The following CCDC157 variants were observed in gnomAD, a reference collection of about 807,000 sequenced individuals.
The protein encoded by CCDC157 is coiled-coil domain-containing protein 157.
Under a neutral mutation model 70.9 loss-of-function variants are expected in CCDC157, and 60 were observed. The observed-to-expected ratio is 0.85, with a 90% CI of 0.69 to 1.05. The LOEUF is 1.05. Ranked by LOEUF, CCDC157 falls within the 50% of genes least tolerant of loss-of-function variation. The pLI, the probability that CCDC157 is intolerant of heterozygous loss-of-function variation, is 0.00. For missense variants in CCDC157, 943 were observed against 984.2 expected (o/e 0.96, Z 0.56); for synonymous variants, 373 against 422.4 (o/e 0.88, Z 1.43).
At position 30,376,257 on chromosome 22, in the gene CCDC157, A is replaced by C; in HGVS notation, c.1858-2A>C. The C allele has an allele frequency of 7.7e-7, 1 of 1,303,224 alleles. No individual in the cohort carries two copies. Among genetic ancestry groups the C allele is most frequent in the Non-Finnish European group, 1.0e-6 (1 of 956,068 alleles). 80.7% of individuals were successfully genotyped at this position (1,303,224 alleles called of 1,614,324 possible). On this transcript the variant is annotated splice_acceptor_variant, in intron 10 of 11. Transcript: ENST00000338306. LOFTEE classifies it high-confidence loss of function. ...AGACTGGCTTTTTTTTTTTTTTTGTAGCTGATCCCGCAGGACCGGCTCTGG... is the reference window on the plus strand; with the variant it reads ...AGACTGGCTTTTTTTTTTTTTTTGTCGCTGATCCCGCAGGACCGGCTCTGG...
chr22:30,372,014 G>A, intron 6 of CCDC157, 61 bp from the exon 7 acceptor site: 1 of 1,142,948 alleles, frequency 8.7e-7, no homozygotes, highest in Non-Finnish European at 1.3e-6. Flanking sequence ...TCCCGTCCTA[G>A]GTCTGAGGTA....
Position 30,370,436 on chromosome 22 carries a change from G to A in CCDC157, c.531G>A (p.Val177=). 4 of 1,614,120 alleles carry A rather than the reference G, an allele frequency of 2.5e-6. No individual in the cohort carries two copies. The highest frequency in any genetic ancestry group is 3.4e-6 in the Non-Finnish European group (4 of 1,180,042). ...AGTTAATCAAGCCCTCCTCCCCAGT[G>A]CTAGGCTTGCCCCAGACCTGCCAAG... ...TTKLIKPSSP[V]LGLPQTCQEP... Residue 177 remains valine, a synonymous_variant, in exon 5 of 12, where the codon GTG becomes GTA. Transcript: ENST00000338306.
chr22:30,371,371 G>T, intron 5 of CCDC157: 1 of 527,384 alleles, frequency 1.9e-6, no homozygotes, highest in Non-Finnish European at 3.4e-6. Flanking sequence ...CCACTGATGG[G>T]AGGCCTGAGG....
chr22:30,356,853 C>G, upstream of CCDC157: 1 of 1,257,918 alleles, frequency 7.9e-7, no homozygotes. Flanking sequence ...CGCCTCAAGA[C>G]AGCCTCCCCG....
At chr22:30,359,111 A>T (rs1257259726) in intron 1 of CCDC157, among the ~76,000 whole-genome samples, 1 of 152,188 alleles carries the variant, frequency 6.6e-6, no homozygotes, top group African/African-American at 2.4e-5. Context: ...CTTCACAAGC[A>T]AGCTTATGAA....
intron 5 of CCDC157, 41 bp downstream of exon 5, chr22:30,370,991 C>G (rs1384962911): frequency 6.4e-7 from 1 of 1,565,904 alleles, no homozygotes; most frequent in East Asian, 2.3e-5. Flanking sequence ...CCCAGGGGCT[C>G]TGCCACAGCC....
chr22:30,357,456 C>T (rs1055602178), intron 1 of CCDC157, among the ~76,000 whole-genome samples: 2 of 152,174 alleles, frequency 1.3e-5, no homozygotes, highest in African/African-American at 4.8e-5. Context: ...GCCCTCAAGC[C>T]CCACTGGGGG....
chr22:30,360,317 CA>C (rs1266785983), intron 1 of CCDC157, among the ~76,000 whole-genome samples: 1 of 151,686 alleles, frequency 6.6e-6, no homozygotes, highest in African/African-American at 2.4e-5. Context: ...TCCTGGCTAA[CA>C]TGGTGAAACC....
chr22:30,375,677 G>C lies in CCDC157; in HGVS notation c.1857+14G>C. On this transcript the variant is annotated intron_variant, in intron 10 of 11. Transcript: ENST00000338306. ...GGTGGCCTCAAGGTGGGCCTGAGAG[G>C]GCGGGCCCTTGGGGACCAGGAGGAA... 1 of 1,603,020 alleles carries C rather than the reference G, an allele frequency of 6.2e-7. No individual in the cohort carries two copies. The highest frequency in any genetic ancestry group is 8.5e-7 in the Non-Finnish European group (1 of 1,174,898).
At chr22:30,373,505 G>A (rs1354540959) in intron 7 of CCDC157, 92 bp from the exon 8 acceptor site, 5 of 1,387,068 alleles carry the variant, frequency 3.6e-6, no homozygotes, top group Non-Finnish European at 4.9e-6. Context: ...TAGCAGCCGA[G>A]GGGTAGTAGA....
At chr22:30,357,173 C>T (rs1569179266) in intron 1 of CCDC157, 41 bp downstream of exon 1, 1 of 186,264 alleles carries the variant, frequency 5.4e-6, no homozygotes, top group Non-Finnish European at 1.1e-5. Context: ...CCGCCGCACT[C>T]ACCTCGCGGC....
chr22:30,358,519 C>T (rs1932102962), intron 1 of CCDC157, among the ~76,000 whole-genome samples: 2 of 152,222 alleles, frequency 1.3e-5, no homozygotes, highest in South Asian at 4.1e-4. Context: ...ACATCTGCCA[C>T]ATAGCTGGTT....
At position 30,375,390 on chromosome 22, in the gene CCDC157, C is replaced by G; in HGVS notation, c.1673-89C>G. Reference sequence around the variant, plus strand: ...GGAGAAGGAAGATGAGCTAGGAGGCCTGGTGCACTACACAGCTCCTTTGTG... The same window carrying G: ...GGAGAAGGAAGATGAGCTAGGAGGCGTGGTGCACTACACAGCTCCTTTGTG... On this transcript the variant is annotated intron_variant, in intron 9 of 11. Transcript: ENST00000338306. 2.4e-6 allele frequency: 3 copies of G among 1,241,600 alleles called. 1 individual carries two copies. The South Asian group carries it at 3.8e-5, about 16-fold the overall frequency. 76.9% of individuals were successfully genotyped at this position (1,241,600 alleles called of 1,614,324 possible).
At position 30,370,357 on chromosome 22, in the gene CCDC157, C is replaced by A. The variant is rs767712736; in HGVS notation, c.452C>A (p.Ser151Tyr). 21 of 1,613,906 alleles carry A rather than the reference C, an allele frequency of 1.3e-5. No homozygotes were observed. In the Middle Eastern group the frequency reaches 1.5e-3, roughly 114 times the overall value. ...KGANQRETPT[S>Y]KPTTKGEPAR... ...GCAAACCAAAGGGAGACTCCCACCTCCAAGCCCACCACCAAGGGCGAGCCA... is the reference window on the plus strand; with the variant it reads ...GCAAACCAAAGGGAGACTCCCACCTACAAGCCCACCACCAAGGGCGAGCCA... The change falls in exon 5 of 12, where the codon TCC becomes TAC. Residue 151 changes from serine (S) to tyrosine (Y), a missense_variant. Physicochemically the swap from Ser to Tyr is moderately radical, Grantham distance 144. Coordinates refer to ENST00000338306, the MANE Select transcript of CCDC157 (RefSeq NM_001017437.5).
chr22:30,375,541 G>C lies in CCDC157; in HGVS notation c.1735G>C (p.Asp579His), dbSNP rs769072703. ...TCPTDSGNVT[D>H]HMERQVQSND... ...TCCCACAGACTCTGGCAACGTCACAGATCACATGGAGAGGCAAGTGCAGTC... is the reference window on the plus strand; with the variant it reads ...TCCCACAGACTCTGGCAACGTCACACATCACATGGAGAGGCAAGTGCAGTC... Residue 579 changes from aspartate (D) to histidine (H), a missense_variant, in exon 10 of 12, where the codon GAT becomes CAT. By Grantham distance (81) the Asp-to-His change is moderately conservative (BLOSUM62 -1). Coordinates refer to ENST00000338306, the MANE Select transcript of CCDC157 (RefSeq NM_001017437.5). The C allele has an allele frequency of 6.2e-7, 1 of 1,614,232 alleles. No individual in the cohort carries two copies. The highest frequency in any genetic ancestry group is 8.5e-7 in the Non-Finnish European group (1 of 1,180,042).
chr22:30,373,744 T>C lies in CCDC157; in HGVS notation c.1483T>C (p.Cys495Arg). Residue 495 changes from cysteine to arginine, a missense_variant, in exon 8 of 12, where the codon TGC (cysteine) becomes CGC (arginine). Physicochemically the swap from Cys to Arg is radical, Grantham distance 180 (BLOSUM62 -3). Coordinates refer to ENST00000338306, the MANE Select transcript of CCDC157 (RefSeq NM_001017437.5). Reference sequence around the variant, plus strand: ...GCAGAGCGAGCGGGAGCAGGGGCAATGCCAGCTCAGGGCCCAGCAGGTGAG... The same window carrying C: ...GCAGAGCGAGCGGGAGCAGGGGCAACGCCAGCTCAGGGCCCAGCAGGTGAG... ...QLQSEREQGQ[C>R]QLRAQQELLQ... is the part of the protein sequence containing the mutation. 1.9e-6 allele frequency: 3 copies of C among 1,553,932 alleles called. No homozygotes were observed. Among genetic ancestry groups the C allele is most frequent in the Non-Finnish European group, 2.6e-6 (3 of 1,149,000 alleles).
At position 30,376,662 on chromosome 22, in the gene CCDC157, G is replaced by A; in HGVS notation, c.2176G>A (p.Val726Ile). ...CACCTGCACCCAGAACCCCATCAAG[G>A]TCTTGGTCAGGCTGAGAAAGAGACT... Reference protein sequence around the residue: ...LDTCTQNPIKVLVRLRKRLSP... With the variant: ...LDTCTQNPIKILVRLRKRLSP... Residue 726 changes from valine to isoleucine, a missense_variant, in exon 12 of 12, where the codon GTC (valine) becomes ATC (isoleucine). Transcript: ENST00000338306. The A allele has an allele frequency of 1.9e-6, 3 of 1,613,768 alleles. No individual in the cohort carries two copies. The highest frequency in any genetic ancestry group is 1.7e-5 in the Admixed American group (1 of 60,026).
chr22:30,366,487 A>G (rs1298494782), intron 3 of CCDC157: 1 of 579,200 alleles, frequency 1.7e-6, no homozygotes, highest in African/African-American at 1.9e-5. Flanking sequence ...CACCTCAGGC[A>G]GTTGATTTCC....
chr22:30,371,861 C>T, intron 6 of CCDC157, 134 bp downstream of exon 6: 1 of 857,190 alleles, frequency 1.2e-6, no homozygotes, highest in Non-Finnish European at 1.9e-6. Context: ...GTGGGCCTGA[C>T]CAACCACACT....
Sources: allele counts gnomAD v4.1 joint callset (sites outside exome capture counted in the v4.1 genomes callset), GRCh38; gene constraint gnomAD v4.1.1; transcripts MANE v1.5; gene names NCBI Gene and HGNC (gene_info 2026-07-23, HGNC 2026-07-21).